The following ZMYM4 variants were observed in gnomAD, a reference collection of about 807,000 sequenced individuals.
ZMYM4 encodes zinc finger MYM-type containing 4.
Under a neutral mutation model 183.2 loss-of-function variants are expected in ZMYM4, and 31 were observed. The observed-to-expected ratio is 0.17, with a 90% CI of 0.13 to 0.23. The LOEUF is 0.23. Ranked by LOEUF, ZMYM4 falls within the 10% of genes least tolerant of loss-of-function variation. ZMYM4 has a pLI of 1.00. For synonymous variants in ZMYM4, 592 were observed against 631.2 expected (o/e 0.94, Z 0.93); for missense variants, 1,273 against 1,840.3 (o/e 0.69, Z 5.64).
At chr1:35,371,434 A>G (rs919855406) in intron 7 of ZMYM4, among the ~76,000 whole-genome samples, 13 of 151,916 alleles carry the variant, frequency 8.6e-5, no homozygotes, top group Admixed American at 3.3e-4. Context: ...TATTTTCTCA[A>G]TGTCTCTGAA....
At chr1:35,272,600 C>T (rs1400933199) in intron 1 of ZMYM4, among the ~76,000 whole-genome samples, 1 of 152,184 alleles carries the variant, frequency 6.6e-6, no homozygotes, top group East Asian at 1.9e-4. Context: ...TTGAGGGGCT[C>T]TGTAAATCTT....
intron 1 of ZMYM4, among the ~76,000 whole-genome samples, chr1:35,293,083 C>T (rs1001285091): frequency 1.3e-5 from 2 of 151,704 alleles, no homozygotes; most frequent in African/African-American, 4.9e-5. Flanking sequence ...TTTCTACAGC[C>T]TCTAACCCCT....
At chr1:35,374,918 A>G (rs1644302474) in intron 7 of ZMYM4, among the ~76,000 whole-genome samples, 1 of 152,032 alleles carries the variant, frequency 6.6e-6, no homozygotes, top group South Asian at 2.1e-4. Flanking sequence ...CATTTTATCT[A>G]TGTCTTGATC....
intron 2 of ZMYM4, among the ~76,000 whole-genome samples, chr1:35,328,715 G>A (rs1642611978): frequency 6.6e-6 from 1 of 152,024 alleles, no homozygotes; most frequent in South Asian, 2.1e-4. Flanking sequence ...GCAGAGAAGT[G>A]ACTAGCTTGG....
intron 27 of ZMYM4, 105 bp from the exon 28 acceptor site, chr1:35,415,361 A>C: frequency 7.0e-7 from 1 of 1,435,838 alleles, no homozygotes. Flanking sequence ...AAAGAGGAAT[A>C]GTCAGTTTTT....
At chr1:35,275,623 G>A (rs983708862) in intron 1 of ZMYM4, among the ~76,000 whole-genome samples, 3 of 152,136 alleles carry the variant, frequency 2.0e-5, no homozygotes, top group Non-Finnish European at 4.4e-5. Context: ...TGTATTAGGA[G>A]AACAGCCACT....
At chr1:35,390,835 CA>C (rs1203665783) in intron 15 of ZMYM4, among the ~76,000 whole-genome samples, 1 of 152,128 alleles carries the variant, frequency 6.6e-6, no homozygotes, top group Non-Finnish European at 1.5e-5. Context: ...CTACTTATAA[CA>C]AAAGACATAA....
rs200285842 is a variant in ZMYM4, at chr1:35,359,247, A to C, written c.408A>C (p.Lys136Asn). ...NEIQIQNKLK[K>N]DFPKQFDQVS... is the part of the protein sequence containing the mutation. ...TACAAATTCAAAATAAGTTAAAAAA[A>C]GACTTTCCTAAACAATTTGATCAGG... is the stretch of plus-strand genomic sequence containing the variant. The change falls in exon 3 of 30, where the codon AAA (lysine) becomes AAC (asparagine). Residue 136 changes from lysine to asparagine, a missense_variant. Physicochemically the swap from Lys to Asn is moderately conservative, Grantham distance 94 (BLOSUM62 0). Coordinates refer to ENST00000314607, the MANE Select transcript of ZMYM4 (RefSeq NM_005095.3). 255 of 1,609,816 alleles carry C rather than the reference A, an allele frequency of 1.6e-4. No individual in the cohort carries two copies. The Admixed American group carries it at 4.3e-3, about 27-fold the overall frequency.
Position 35,269,684 on chromosome 1 carries a change from C to G in ZMYM4, c.39+599C>G, listed in dbSNP as rs560641628. ...TGAATGTCATGTTCTAGCCTAGCCT[C>G]TTACTCGCAATTAGGGACTTGGAAG... is the stretch of plus-strand genomic sequence containing the variant. On this transcript the variant is annotated intron_variant, in intron 1 of 29. Transcript: ENST00000314607. 7.2e-5 allele frequency among the ~76,000 whole-genome samples: 11 copies of G among 152,304 alleles called. No individual in the cohort carries two copies. The South Asian group carries it at 2.1e-3, about 29-fold the overall frequency.
In ZMYM4 at chr1:35,337,688, T is replaced by A. The variant is rs1026983232; in HGVS notation, c.85+12283T>A. On this transcript the variant is annotated intron_variant, in intron 2 of 29. Coordinates refer to ENST00000314607, the MANE Select transcript of ZMYM4 (RefSeq NM_005095.3). ...GGCCGGGTGTGGTGGCTCACACCTG[T>A]AATCCCAGCACTTTGGGAGGCTGAG... Among the ~76,000 whole-genome samples the A allele has an allele frequency of 3.2e-4, 48 of 152,074 alleles. 1 individual carries two copies. Among genetic ancestry groups the A allele is most frequent in the African/African-American group, 1.1e-3 (47 of 41,420 alleles).
At chr1:35,325,637 T>A (rs571275373) in intron 2 of ZMYM4, among the ~76,000 whole-genome samples, 10 of 152,286 alleles carry the variant, frequency 6.6e-5, no homozygotes, top group African/African-American at 1.9e-4. Context: ...CATATTAAAA[T>A]ATAGCCATAC....
chr1:35,415,268 C>T (rs1640069731), intron 27 of ZMYM4, among the ~76,000 whole-genome samples, 198 bp from the exon 28 acceptor site: 1 of 152,104 alleles, frequency 6.6e-6, no homozygotes, highest in Non-Finnish European at 1.5e-5. Flanking sequence ...TCAGGAGACT[C>T]CACGAACGGT....
At chr1:35,392,066 C>G in intron 15 of ZMYM4, 146 bp from the exon 16 acceptor site, 1 of 1,047,442 alleles carries the variant, frequency 9.5e-7, no homozygotes. Flanking sequence ...AAGAAGAAAA[C>G]CAAAACCCAG....
chr1:35,334,931 G>A (rs909483027), intron 2 of ZMYM4, among the ~76,000 whole-genome samples: 6 of 151,854 alleles, frequency 4.0e-5, no homozygotes, highest in South Asian at 2.1e-4. Flanking sequence ...GTTATTTCTC[G>A]GAATACTTCG....
At chr1:35,402,128 A>G in intron 23 of ZMYM4, among the ~76,000 whole-genome samples, 1 of 151,822 alleles carries the variant, frequency 6.6e-6, no homozygotes, top group African/African-American at 2.4e-5. Context: ...AAAAAAAAAA[A>G]AAAAAAAAGG....
intron 7 of ZMYM4, among the ~76,000 whole-genome samples, chr1:35,376,114 G>A (rs751325172): frequency 6.6e-6 from 1 of 152,018 alleles, no homozygotes; most frequent in Non-Finnish European, 1.5e-5. Flanking sequence ...CAGAGAAGAG[G>A]TAATTTGGAG....
rs1196849589 is a variant in ZMYM4 at position 35,393,577 on chromosome 1, A to G, written c.2767-18A>G. The G allele has an allele frequency of 3.1e-5, 49 of 1,559,402 alleles. No homozygotes were observed. Among genetic ancestry groups the G allele is most frequent in the Non-Finnish European group, 4.0e-5 (46 of 1,158,962 alleles). ...ATTTTTAAAAATGTTTTTGGTTTCT[A>G]ATTTGTTTTTTTACTAGGCAAGTAC... is the stretch of plus-strand genomic sequence containing the variant. On this transcript the variant is annotated intron_variant, in intron 17 of 29. Coordinates refer to ENST00000314607, the MANE Select transcript of ZMYM4 (RefSeq NM_005095.3).
intron 12 of ZMYM4, 67 bp downstream of exon 12, chr1:35,387,345 A>C: frequency 1.9e-6 from 3 of 1,581,754 alleles, no homozygotes; most frequent in Non-Finnish European, 2.6e-6. Context: ...ATTATTTTTA[A>C]CTTTGCATCT....
chr1:35,417,626 C>T (rs1456634207), intron 28 of ZMYM4, among the ~76,000 whole-genome samples: 1 of 151,820 alleles, frequency 6.6e-6, no homozygotes, highest in Non-Finnish European at 1.5e-5. Flanking sequence ...TCACTTGAAC[C>T]CAGGAGTTCA....
Sources: gnomAD v4.1 joint callset for allele counts (sites outside exome capture counted in the v4.1 genomes callset) on GRCh38, gnomAD v4.1.1 for gene constraint, MANE v1.5 for transcripts, NCBI Gene and HGNC (gene_info 2026-07-23, HGNC 2026-07-21) for gene names.